Variants in HNRNPUL1 observed in about 807,000 individuals in gnomAD.
The protein encoded by HNRNPUL1 is heterogeneous nuclear ribonucleoprotein U-like protein 1.
A neutral mutation model predicts 108.5 loss-of-function variants in HNRNPUL1; 14 were observed. The observed-to-expected ratio is 0.13, with a 90% confidence interval of 0.09 to 0.20. The LOEUF (loss-of-function observed/expected upper bound fraction) is 0.20. HNRNPUL1 is among the 10% of genes least tolerant of loss of function. The pLI is 1.00. For synonymous variants in HNRNPUL1, 422 were observed against 445.2 expected (o/e 0.95, Z 0.66); for missense variants, 804 against 1,168.3 (o/e 0.69, Z 4.55).
At chr19:41,281,304 C>T in intron 7 of HNRNPUL1, 29 bp downstream of exon 7, 1 of 1,478,718 alleles carries the variant, frequency 6.8e-7, no homozygotes, top group Non-Finnish European at 9.5e-7. Context: ...TGGGAGTTGG[C>T]AGAACCAGAT....
At position 41,307,258 on chromosome 19, in the gene HNRNPUL1, C is replaced by G. The variant is rs1325353556; in HGVS notation, c.*693C>G. 6.6e-6 allele frequency: 1 copy of G among 152,570 alleles called. No individual in the cohort carries two copies. Among genetic ancestry groups the G allele is most frequent in the East Asian group, 1.9e-4 (1 of 5,184 alleles). The allele number at this position is 152,570 out of a possible 1,614,324, so 9.5% of individuals were successfully genotyped here. A position where few individuals can be genotyped will look rare whatever the true frequency, so the allele number is the denominator to read the frequency against. On this transcript the variant is annotated 3_prime_UTR_variant, in exon 15 of 15. Transcript: ENST00000392006. ...AACCAAACCACAGAATCATCTTTAA[C>G]CCAACTTTTTATACGATGCCCCAGT...
chr19:41,281,150 T>C lies in HNRNPUL1; in HGVS notation c.887-13T>C. On this transcript the variant is annotated splice_polypyrimidine_tract_variant and intron_variant, in intron 6 of 14. Transcript: ENST00000392006. ...CGCAGGTTTAACCTGCCTTTGCCTA[T>C]TTCTTCCGTCAGGCGAAGAGCCTTT... 6.3e-7 allele frequency: 1 copy of C among 1,593,178 alleles called. No homozygotes were observed. The highest frequency in any genetic ancestry group is 1.1e-5 in the South Asian group (1 of 90,638).
At chr19:41,267,571 C>T (rs922848762) in intron 1 of HNRNPUL1, among the ~76,000 whole-genome samples, 10 of 152,214 alleles carry the variant, frequency 6.6e-5, no homozygotes, top group Admixed American at 3.9e-4. Flanking sequence ...CTTTGGGCTG[C>T]ACCTGGTTTG....
At chr19:41,275,232 G>T (rs1405446404) in intron 4 of HNRNPUL1, among the ~76,000 whole-genome samples, 1 of 152,208 alleles carries the variant, frequency 6.6e-6, no homozygotes, top group Non-Finnish European at 1.5e-5. Context: ...AATTACCACA[G>T]AGGGCGGTAG....
chr19:41,279,388 A>G (rs2035772482), intron 6 of HNRNPUL1, among the ~76,000 whole-genome samples: 1 of 152,196 alleles, frequency 6.6e-6, no homozygotes, highest in Non-Finnish European at 1.5e-5. Flanking sequence ...TTCTGTGAAG[A>G]ATCAATTCTT....
At position 41,285,466 on chromosome 19, in the gene HNRNPUL1, A is replaced by G. The variant is rs186098584; in HGVS notation, c.999+4191A>G. 1.2e-4 allele frequency among the ~76,000 whole-genome samples: 19 copies of G among 152,094 alleles called. No individual in the cohort carries two copies. In the East Asian group the frequency reaches 3.7e-3, roughly 29 times the overall value. The stretch of plus-strand genomic sequence containing the variant: ...GCAATCCGCCCTCCTTGACCTCCCA[A>G]AGTTCTGGGATTATAGGCCGGAGAC... On this transcript the variant is annotated intron_variant, in intron 7 of 14. Transcript: ENST00000392006.
intron 10 of HNRNPUL1, among the ~76,000 whole-genome samples, chr19:41,300,829 T>TA (rs772258096): frequency 9.4e-4 from 143 of 152,362 alleles, no homozygotes; most frequent in Non-Finnish European, 1.8e-3. Context: ...TCCTGATGTG[T>TA]AGAGCTTGCT....
rs190219145 is a variant in HNRNPUL1 at position 41,265,586 on chromosome 19, C to T, written c.295+788C>T. The stretch of plus-strand genomic sequence containing the variant: ...GCTTCTAGAAGAGGTATAGGGAGCC[C>T]TGGTGTCCAGAGGCTGGCGGGGGAG... On this transcript the variant is annotated intron_variant, in intron 1 of 14. Coordinates refer to ENST00000392006, the MANE Select transcript of HNRNPUL1 (RefSeq NM_007040.6). 1.0e-3 allele frequency among the ~76,000 whole-genome samples: 155 copies of T among 152,220 alleles called. 1 individual carries two copies. The highest frequency in any genetic ancestry group is 1.2e-4 in the Non-Finnish European group (8 of 67,992).
In HNRNPUL1 at chr19:41,264,401, GC is replaced by G. The variant is rs368460593; in HGVS notation, c.-94del. 3.0e-3 allele frequency: 2,906 copies of G among 981,156 alleles called. 1 individual carries two copies. The highest frequency in any genetic ancestry group is 3.1e-3 in the Non-Finnish European group (2,298 of 747,676). 60.8% of individuals were successfully genotyped at this position (981,156 alleles called of 1,614,324 possible). On this transcript the variant is annotated 5_prime_UTR_variant, in exon 1 of 15. Transcript: ENST00000392006. ...TGAGCCGCTGCCGCCATTGGAGTGG[GC>G]CCCCCCCCTTTCCCCCTTCGCCTCC...
intron 1 of HNRNPUL1, 34 bp from the exon 2 acceptor site, chr19:41,268,189 C>G (rs769331666): frequency 2.5e-6 from 4 of 1,606,572 alleles, no homozygotes; most frequent in Non-Finnish European, 3.4e-6. Flanking sequence ...CATGAACCGC[C>G]CCTCTAATTG....
At chr19:41,280,656 G>T (rs566449987) in intron 6 of HNRNPUL1, among the ~76,000 whole-genome samples, 2 of 152,074 alleles carry the variant, frequency 1.3e-5, no homozygotes, top group South Asian at 2.1e-4. Context: ...TCTAACTCAG[G>T]TGTCAGCCAG....
intron 2 of HNRNPUL1, among the ~76,000 whole-genome samples, chr19:41,271,314 A>G (rs1388699692): frequency 6.6e-6 from 1 of 152,190 alleles, no homozygotes; most frequent in African/African-American, 2.4e-5. Context: ...TTATCCACAG[A>G]CATTCATCAG....
At chr19:41,298,182 G>A (rs969396132) in intron 10 of HNRNPUL1, among the ~76,000 whole-genome samples, 14 of 152,070 alleles carry the variant, frequency 9.2e-5, no homozygotes, top group Non-Finnish European at 2.1e-4. Context: ...ATCATCATTC[G>A]TACCTGCTGT....
chr19:41,303,985 C>T lies in HNRNPUL1; in HGVS notation c.1986C>T (p.Ser662=), dbSNP rs367689571. The part of the protein sequence containing the change: ...GGNYRGGFNR[S]GGGGYSQNRW... Reference sequence around the variant, plus strand: ...TCTCCAACACAGGTTTCAACCGCAGCGGAGGTGGTGGCTATAGCCAGAACC... The same window carrying T: ...TCTCCAACACAGGTTTCAACCGCAGTGGAGGTGGTGGCTATAGCCAGAACC... Residue 662 remains serine (S), a synonymous_variant, in exon 13 of 15, where the codon AGC becomes AGT. Coordinates refer to ENST00000392006, the MANE Select transcript of HNRNPUL1 (RefSeq NM_007040.6). The T allele has an allele frequency of 2.5e-5, 41 of 1,611,340 alleles. No homozygotes were observed. In the African/African-American group the frequency reaches 3.3e-4, roughly 13 times the overall value.
In HNRNPUL1 at chr19:41,264,757, C is replaced by A; in HGVS notation, c.254C>A (p.Pro85Gln). The change falls in exon 1 of 15, where the codon CCG becomes CAG. Residue 85 changes from proline to glutamine, a missense_variant. By Grantham distance (76) the Pro-to-Gln change is moderately conservative. Around this residue, in one of 4 missense-constraint regions of HNRNPUL1, gnomAD observed 256 missense variants for 261.6 expected, o/e 0.98. Transcript: ENST00000392006. Reference protein sequence around the residue: ...TAQPPPPGLQPHAEPGGYSGP... With the variant: ...TAQPPPPGLQQHAEPGGYSGP... The stretch of plus-strand genomic sequence containing the variant: ...CAGCCACCGCCGCCCGGGCTGCAGC[C>A]GCACGCGGAGCCCGGCGGCTACTCG... 1 of 1,382,082 alleles carries A rather than the reference C, an allele frequency of 7.2e-7. No individual in the cohort carries two copies. Among genetic ancestry groups the A allele is most frequent in the Admixed American group, 3.3e-5 (1 of 30,670 alleles). 85.6% of individuals were successfully genotyped at this position (1,382,082 alleles called of 1,614,324 possible). A position where few individuals can be genotyped will look rare whatever the true frequency, so the allele number is the denominator to read the frequency against.
chr19:41,272,644 G>GA (rs1410492507), intron 3 of HNRNPUL1, among the ~76,000 whole-genome samples: 2 of 152,304 alleles, frequency 1.3e-5, no homozygotes, highest in African/African-American at 4.8e-5. Context: ...GTCACGAAGT[G>GA]CCCACTCTTG....
intron 6 of HNRNPUL1, among the ~76,000 whole-genome samples, chr19:41,279,766 A>T (rs992217865): frequency 2.0e-5 from 3 of 152,260 alleles, no homozygotes; most frequent in Admixed American, 2.0e-4. Flanking sequence ...TGTGTTGCGT[A>T]TAAGAATTCA....
chr19:41,280,935 T>C, intron 6 of HNRNPUL1: 1 of 500,606 alleles, frequency 2.0e-6, no homozygotes, highest in Non-Finnish European at 3.7e-6. Flanking sequence ...AGTTATTCAG[T>C]TGAGCTCCTA....
At chr19:41,289,887 A>G (rs1177940741) in intron 7 of HNRNPUL1, among the ~76,000 whole-genome samples, 1 of 151,690 alleles carries the variant, frequency 6.6e-6, no homozygotes, top group African/African-American at 2.4e-5. Context: ...TAATTTTTGT[A>G]TGTTTAGTAG....
Sources: gnomAD v4.1 joint callset for allele counts (sites outside exome capture counted in the v4.1 genomes callset) on GRCh38, gnomAD v4.1.1 for gene constraint, gnomAD v4.1.1 regional missense constraint, MANE v1.5 for transcripts, NCBI Gene and HGNC (gene_info 2026-07-23, HGNC 2026-07-21) for gene names.